Variants in GALNTL6 observed in about 807,000 individuals in gnomAD.
GALNTL6 encodes the protein polypeptide N-acetylgalactosaminyltransferase-like 6.
GALNTL6 carries 46 observed loss-of-function variants against 73.7 expected under a neutral mutation model. The observed-to-expected ratio is 0.62, with a 90% confidence interval of 0.49 to 0.80. The LOEUF (loss-of-function observed/expected upper bound fraction) is 0.80. Among genes scored for constraint, GALNTL6 ranks in the 30% least tolerant of loss-of-function variants. The probability of loss-of-function intolerance (pLI) is 0.00; values close to 1 mark genes in which losing one functional copy is unlikely to be tolerated. For missense variants in GALNTL6, 604 were observed against 755.0 expected, an observed-to-expected ratio of 0.80 and a Z score of 2.34; for synonymous variants, 259 against 263.7, an observed-to-expected ratio of 0.98 and a Z score of 0.17.
At chr4:172,636,467 T>G (rs1329642650) in intron 5 of GALNTL6, among the ~76,000 whole-genome samples, 1 of 152,108 alleles carries the variant, frequency 6.6e-6, no homozygotes, top group African/African-American at 2.4e-5. Context: ...CTACATTACT[T>G]GGGCAGGCCC....
intron 7 of GALNTL6, among the ~76,000 whole-genome samples, chr4:172,842,157 T>C (rs932712426): frequency 3.3e-5 from 5 of 152,206 alleles, no homozygotes; most frequent in Non-Finnish European, 7.3e-5. Flanking sequence ...AAACAAAGTA[T>C]CTCGAAGTTA....
chr4:172,138,198 ATATTT>A (rs1404143072), intron 2 of GALNTL6, among the ~76,000 whole-genome samples: 1 of 151,790 alleles, frequency 6.6e-6, no homozygotes, highest in Non-Finnish European at 1.5e-5. Flanking sequence ...AGTTCTCTTT[ATATTT>A]TATTTGTAAA....
chr4:172,930,800 G>A (rs1189439740), intron 8 of GALNTL6, among the ~76,000 whole-genome samples: 1 of 152,150 alleles, frequency 6.6e-6, no homozygotes, highest in Admixed American at 6.5e-5. Context: ...AAGTAGCTGG[G>A]ACTGAAGGCG....
intron 2 of GALNTL6, among the ~76,000 whole-genome samples, chr4:172,018,889 C>A (rs890480243): frequency 1.3e-5 from 2 of 152,062 alleles, no homozygotes; most frequent in African/African-American, 4.8e-5. Flanking sequence ...TGGGTGCAAG[C>A]TGGAGAATGG....
At chr4:171,991,433 G>A (rs1305131078) in intron 2 of GALNTL6, among the ~76,000 whole-genome samples, 1 of 151,928 alleles carries the variant, frequency 6.6e-6, no homozygotes. Flanking sequence ...AATTTGAAGT[G>A]TCGTTAACAG....
At chr4:172,015,197 A>G (rs901195530) in intron 2 of GALNTL6, among the ~76,000 whole-genome samples, 1 of 151,908 alleles carries the variant, frequency 6.6e-6, no homozygotes, top group African/African-American at 2.4e-5. Context: ...CTCATTTCTT[A>G]GGTCTAGTAG....
At position 172,574,975 on chromosome 4, in the gene GALNTL6, G is replaced by A. The variant is rs1322978663; in HGVS notation, c.553+226286G>A. The stretch of plus-strand genomic sequence containing the variant: ...ACACACACACACACACGATTAGAAA[G>A]TCTCCTGTGCTCTCCAATTAGCGGT... On this transcript the variant is annotated intron_variant, in intron 5 of 12. Transcript: ENST00000506823. Among the ~76,000 whole-genome samples the A allele has an allele frequency of 4.0e-5, 6 of 151,288 alleles. No individual in the cohort carries two copies. In the East Asian group the frequency reaches 9.8e-4, roughly 25 times the overall value.
rs1737102717 is a variant in GALNTL6 at position 172,579,808 on chromosome 4, AGG to A, written c.554-229552_554-229551del. On this transcript the variant is annotated intron_variant, in intron 5 of 12. Transcript: ENST00000506823. Reference sequence around the variant, plus strand: ...GAGGAAGGAAGGAAGGAGGGAAGGAAGGAGGGAAGGAAGGAGGGAAGGAAGGA... The same window carrying A: ...GAGGAAGGAAGGAAGGAGGGAAGGAAAGGGAAGGAAGGAGGGAAGGAAGGA... Among the ~76,000 whole-genome samples the A allele has an allele frequency of 6.6e-5, 9 of 136,570 alleles. No homozygotes were observed. In the East Asian group the frequency reaches 2.0e-3, roughly 31 times the overall value. The allele number at this position is 136,570 out of a possible 152,430, so 89.6% of individuals were successfully genotyped here.
At chr4:171,839,367 G>A (rs1293699685) in intron 2 of GALNTL6, among the ~76,000 whole-genome samples, 1 of 152,088 alleles carries the variant, frequency 6.6e-6, no homozygotes, top group Non-Finnish European at 1.5e-5. Context: ...TTATCTGGAA[G>A]GCAAAATTTT....
chr4:172,821,966 C>T (rs758940855), intron 7 of GALNTL6, among the ~76,000 whole-genome samples: 5 of 152,110 alleles, frequency 3.3e-5, no homozygotes, highest in Non-Finnish European at 7.4e-5. Context: ...CCCCCAGTCT[C>T]CAGGGAAATC....
chr4:172,642,311 G>A (rs1740024739), intron 5 of GALNTL6, among the ~76,000 whole-genome samples: 1 of 151,888 alleles, frequency 6.6e-6, no homozygotes, highest in Admixed American at 6.6e-5. Flanking sequence ...CAATAACTAA[G>A]GTGTGGAATC....
chr4:172,482,403 G>A (rs972629338), intron 5 of GALNTL6, among the ~76,000 whole-genome samples: 1 of 152,260 alleles, frequency 6.6e-6, no homozygotes, highest in African/African-American at 2.4e-5. Context: ...GCGAGAGAGG[G>A]CCACCAGCAC....
rs370345054 is a variant in GALNTL6, at chr4:172,065,285, C to A, written c.139-164371C>A. On this transcript the variant is annotated intron_variant, in intron 2 of 12. Coordinates refer to ENST00000506823, the MANE Select transcript of GALNTL6 (RefSeq NM_001034845.3). ...TGCGCAGTTCACAATAGGGTTTGTG[C>A]TCCTATGAGACTCTAATGCCACCAC... Among the ~76,000 whole-genome samples the A allele has an allele frequency of 5.0e-4, 76 of 152,214 alleles. No individual in the cohort carries two copies. In the South Asian group the frequency reaches 0.016, roughly 31 times the overall value.
At chr4:172,718,647 A>G (rs1384493960) in intron 5 of GALNTL6, among the ~76,000 whole-genome samples, 5 of 150,822 alleles carry the variant, frequency 3.3e-5, no homozygotes, top group African/African-American at 4.9e-5. Flanking sequence ...CAAAAAAACA[A>G]AAAAAAAATC....
At chr4:172,316,248 T>C (rs1740537844) in intron 4 of GALNTL6, among the ~76,000 whole-genome samples, 1 of 152,146 alleles carries the variant, frequency 6.6e-6, no homozygotes, top group Admixed American at 6.5e-5. Context: ...TCACAGCAGT[T>C]TTGGGTAAAT....
At chr4:172,363,338 C>G (rs1858040) in intron 5 of GALNTL6, among the ~76,000 whole-genome samples, 150,887 of 152,286 alleles carry the variant, frequency 0.99, 74,772 homozygotes, top group Middle Eastern at 1. Context: ...CTGAAACCCT[C>G]CCACCTGCCA....
chr4:172,233,127 G>A (rs902993451), intron 3 of GALNTL6, among the ~76,000 whole-genome samples: 3 of 151,450 alleles, frequency 2.0e-5, no homozygotes, highest in South Asian at 2.1e-4. Context: ...CCAGCACACC[G>A]GGTGGCAGCA....
chr4:172,619,099 T>C (rs954316800), intron 5 of GALNTL6, among the ~76,000 whole-genome samples: 1 of 152,268 alleles, frequency 6.6e-6, no homozygotes, highest in East Asian at 1.9e-4. Context: ...AAAGCAAGCC[T>C]GGGAGAAGAG....
chr4:172,489,861 T>C (rs1393268441), intron 5 of GALNTL6, among the ~76,000 whole-genome samples: 2 of 152,224 alleles, frequency 1.3e-5, no homozygotes, highest in South Asian at 4.1e-4. Context: ...TAATTATCAC[T>C]TTTGCAAGAT....
Sources: gnomAD v4.1 joint callset for allele counts (sites outside exome capture counted in the v4.1 genomes callset) on GRCh38, gnomAD v4.1.1 for gene constraint, MANE v1.5 for transcripts, NCBI Gene and HGNC (gene_info 2026-07-23, HGNC 2026-07-21) for gene names.